The following NAALAD2 variants were observed in gnomAD, a reference collection of about 807,000 sequenced individuals.
The protein encoded by NAALAD2 is N-acetylated-alpha-linked acidic dipeptidase 2.
Under a neutral mutation model 95.6 loss-of-function variants are expected in NAALAD2, and 89 were observed. The observed-to-expected ratio is 0.93, with a 90% CI of 0.78 to 1.11. NAALAD2 has a LOEUF of 1.11. Among genes scored for constraint, NAALAD2 ranks in the 50% least tolerant of loss-of-function variants. The probability of loss-of-function intolerance (pLI) is 0.00; values close to 1 mark genes in which losing one functional copy is unlikely to be tolerated. For missense variants in NAALAD2, 894 were observed against 872.4 expected (o/e 1.02, Z -0.31); for synonymous variants, 264 against 294.4 (o/e 0.90, Z 1.06).
intron 16 of NAALAD2, among the ~76,000 whole-genome samples, chr11:90,181,267 C>T (rs1396331440): frequency 6.6e-6 from 1 of 151,992 alleles, no homozygotes; most frequent in Non-Finnish European, 1.5e-5. Context: ...ATTACAGAAT[C>T]ATATCCTATG....
chr11:90,138,665 G>A (rs918546695), intron 2 of NAALAD2, among the ~76,000 whole-genome samples: 1 of 144,992 alleles, frequency 6.9e-6, no homozygotes, highest in Non-Finnish European at 1.5e-5. Context: ...TAATTTTTCT[G>A]GTGTCTACTA....
chr11:90,148,465 G>A (rs1451466955), intron 3 of NAALAD2, among the ~76,000 whole-genome samples: 1 of 152,072 alleles, frequency 6.6e-6, no homozygotes, highest in African/African-American at 2.4e-5. Context: ...GGCCCAGGGT[G>A]AGAGATGATA....
chr11:90,191,547 C>G lies in NAALAD2; in HGVS notation c.2034-11C>G. 6.5e-7 allele frequency: 1 copy of G among 1,536,160 alleles called. No homozygotes were observed. Among genetic ancestry groups the G allele is most frequent in the Non-Finnish European group, 8.7e-7 (1 of 1,143,416 alleles). ...ACTTTAGTTCAATTTGCCTTGTTTT[C>G]TTCCTTTTAGGCACATCATATTTGC... is the stretch of plus-strand genomic sequence containing the variant. On this transcript the variant is annotated splice_polypyrimidine_tract_variant and intron_variant, in intron 18 of 18. Coordinates refer to ENST00000534061, the MANE Select transcript of NAALAD2 (RefSeq NM_005467.4).
chr11:90,169,266 C>T (rs1242225855), intron 12 of NAALAD2: 1 of 267,678 alleles, frequency 3.7e-6, no homozygotes, highest in African/African-American at 2.3e-5. Flanking sequence ...TATATTACTA[C>T]TTAAAACTCT....
chr11:90,162,893 C>A, intron 8 of NAALAD2, 56 bp from the exon 9 acceptor site: 3 of 974,562 alleles, frequency 3.1e-6, no homozygotes, highest in South Asian at 1.6e-5. Flanking sequence ...TATAATAAAA[C>A]ACTGTAAAAA....
At chr11:90,171,071 C>T (rs1466298738) in intron 13 of NAALAD2, among the ~76,000 whole-genome samples, 1 of 152,098 alleles carries the variant, frequency 6.6e-6, no homozygotes, top group Non-Finnish European at 1.5e-5. Context: ...GCTAATCTCC[C>T]AGTAATTTAT....
At position 90,170,049 on chromosome 11, in the gene NAALAD2, G is replaced by C; in HGVS notation, c.1343-20G>C. ...ATTTAGAAGTATGAAATAATACTCTGTGTCTTATTTATTTTTCAGGCAATT... is the reference window on the plus strand; with the variant it reads ...ATTTAGAAGTATGAAATAATACTCTCTGTCTTATTTATTTTTCAGGCAATT... On this transcript the variant is annotated intron_variant, in intron 12 of 18. Transcript: ENST00000534061. The C allele has an allele frequency of 7.1e-7, 1 of 1,405,886 alleles. No homozygotes were observed. Among genetic ancestry groups the C allele is most frequent in the Non-Finnish European group, 1.0e-6 (1 of 991,360 alleles). The allele number at this position is 1,405,886 out of a possible 1,614,324, so 87.1% of individuals were successfully genotyped here.
upstream of NAALAD2, chr11:90,134,652 G>A: frequency 9.1e-7 from 1 of 1,093,798 alleles, no homozygotes; most frequent in East Asian, 2.4e-5. Context: ...GAAGGTCAGC[G>A]GAGGCCACCC....
rs565570800 is a variant in NAALAD2 at position 90,154,702 on chromosome 11, A to C, written c.796+2218A>C. ...GCAAGAGTTTATAAAGAATGGGTTC[A>C]ATGTTGTCTATAAATATTTGGTAGA... is the stretch of plus-strand genomic sequence containing the variant. On this transcript the variant is annotated intron_variant, in intron 6 of 18. Coordinates refer to ENST00000534061, the MANE Select transcript of NAALAD2 (RefSeq NM_005467.4). 4.0e-5 allele frequency among the ~76,000 whole-genome samples: 6 copies of C among 151,134 alleles called. No homozygotes were observed. The South Asian group carries it at 1.2e-3, about 31-fold the overall frequency.
At chr11:90,155,762 T>A (rs1183159689) in intron 6 of NAALAD2, among the ~76,000 whole-genome samples, 1 of 131,332 alleles carries the variant, frequency 7.6e-6, no homozygotes, top group East Asian at 2.2e-4. Context: ...CATATGTATG[T>A]ATTATGTATG....
At position 90,152,446 on chromosome 11, in the gene NAALAD2, G is replaced by C; in HGVS notation, c.758G>C (p.Gly253Ala). The change falls in exon 6 of 19, where the codon GGT (glycine) becomes GCT (alanine). Residue 253 changes from glycine to alanine, a missense_variant. Gly to Ala is a moderately conservative substitution (Grantham distance 60). Transcript: ENST00000534061. ...AGAGGAAATGTGTTAAATTTGAATG[G>C]TGCTGGTGACCCACTCACTCCAGGC... ...AQRGNVLNLNGAGDPLTPGYP... is the reference protein window; with the variant it reads ...AQRGNVLNLNAAGDPLTPGYP... 6.2e-7 allele frequency: 1 copy of C among 1,613,520 alleles called. No homozygotes were observed. Among genetic ancestry groups the C allele is most frequent in the East Asian group, 2.2e-5 (1 of 44,860 alleles).
chr11:90,188,639 C>T (rs1289940140), intron 18 of NAALAD2, among the ~76,000 whole-genome samples: 3 of 152,180 alleles, frequency 2.0e-5, no homozygotes, highest in Admixed American at 6.5e-5. Context: ...TCCCTTAATA[C>T]TGTCACACTA....
At chr11:90,167,932 G>GAAT (rs1447089300) in intron 11 of NAALAD2, among the ~76,000 whole-genome samples, 3 of 152,180 alleles carry the variant, frequency 2.0e-5, no homozygotes, top group Non-Finnish European at 4.4e-5. Context: ...TCAGATAAGA[G>GAAT]AATAAAAGCA....
intron 6 of NAALAD2, 69 bp downstream of exon 6, chr11:90,152,553 G>A: frequency 2.4e-6 from 3 of 1,234,472 alleles, no homozygotes; most frequent in Non-Finnish European, 3.4e-6. Flanking sequence ...AGGAATACAA[G>A]CAAGCATGTT....
chr11:90,176,046 G>T lies in NAALAD2; in HGVS notation c.1577G>T (p.Arg526Leu). The T allele has an allele frequency of 1.9e-6, 3 of 1,613,092 alleles. No homozygotes were observed. Among genetic ancestry groups the T allele is most frequent in the East Asian group, 2.2e-5 (1 of 44,838 alleles). ...QRLGIASGRARYTKNKKTDKY... is the reference protein window; with the variant it reads ...QRLGIASGRALYTKNKKTDKY... Reference sequence around the variant, plus strand: ...CTTGGAATTGCTTCAGGCAGAGCCCGTTACACTAAGAATAAGGTAAGCCAT... The same window carrying T: ...CTTGGAATTGCTTCAGGCAGAGCCCTTTACACTAAGAATAAGGTAAGCCAT... Residue 526 changes from arginine to leucine, a missense_variant, in exon 15 of 19, where the codon CGT becomes CTT. Arg to Leu is a moderately radical substitution (Grantham distance 102). Coordinates refer to ENST00000534061, the MANE Select transcript of NAALAD2 (RefSeq NM_005467.4).
intron 18 of NAALAD2, among the ~76,000 whole-genome samples, chr11:90,184,701 G>A (rs2000534): frequency 0.064 from 9,736 of 151,730 alleles, 376 homozygotes; most frequent in East Asian, 0.18. Flanking sequence ...TTCCCCCCTT[G>A]CCCCCTACAC....
Position 90,173,876 on chromosome 11 carries a change from T to G in NAALAD2, c.1463T>G (p.Leu488Trp), listed in dbSNP as rs775923554. The change falls in exon 14 of 19, where the codon TTG becomes TGG. Residue 488 changes from leucine to tryptophan, a missense_variant. By Grantham distance (61) the Leu-to-Trp change is moderately conservative (BLOSUM62 -2). Coordinates refer to ENST00000534061, the MANE Select transcript of NAALAD2 (RefSeq NM_005467.4). ...FESKSLYESW[L>W]EKDPSPENKN... ...AGTAAATCACTGTATGAAAGCTGGT[T>G]GGAAAAAGACCCTTCACCTGAAAAT... is the stretch of plus-strand genomic sequence containing the variant. The G allele has an allele frequency of 1.2e-6, 2 of 1,612,852 alleles. No individual in the cohort carries two copies. The highest frequency in any genetic ancestry group is 1.7e-6 in the Non-Finnish European group (2 of 1,179,496).
chr11:90,139,854 CCTTT>C (rs1382789188), intron 2 of NAALAD2, among the ~76,000 whole-genome samples: 1 of 117,008 alleles, frequency 8.5e-6, no homozygotes, highest in African/African-American at 3.9e-5. Context: ...ACAAACTTTT[CCTTT>C]TTTTTTTTTT....
chr11:90,173,235 G>A (rs890728938), intron 13 of NAALAD2, among the ~76,000 whole-genome samples: 4 of 151,980 alleles, frequency 2.6e-5, no homozygotes, highest in African/African-American at 9.7e-5. Context: ...AGAAATCTGA[G>A]GTTATGTAGA....
Sources: gnomAD v4.1 joint callset for allele counts (sites outside exome capture counted in the v4.1 genomes callset) on GRCh38, gnomAD v4.1.1 for gene constraint, MANE v1.5 for transcripts, NCBI Gene and HGNC (gene_info 2026-07-23, HGNC 2026-07-21) for gene names.